UBA2: variants seen among roughly 807,000 people sequenced by gnomAD.
UBA2 encodes the protein ubiquitin like modifier activating enzyme 2, also known as SUMO-activating enzyme subunit 2.
In UBA2, 11 loss-of-function variants were observed where a neutral mutation model predicts 77.2. The ratio of observed to expected loss-of-function variants is 0.14; its 90% confidence interval spans 0.09 to 0.24. The LOEUF is 0.24. UBA2 is among the 10% of genes least tolerant of loss of function. The pLI, the probability that UBA2 is intolerant of heterozygous loss-of-function variation, is 1.00. For synonymous variants in UBA2, 278 were observed against 276.7 expected (o/e 1.00, Z -0.05); for missense variants, 487 against 781.7 (o/e 0.62, Z 4.50).
In UBA2 at chr19:34,443,908, G is replaced by A. The variant is rs1207797961; in HGVS notation, c.646G>A (p.Ala216Thr). 12 of 1,601,328 alleles carry A rather than the reference G, an allele frequency of 7.5e-6. No individual in the cohort carries two copies. The highest frequency in any genetic ancestry group is 1.0e-5 in the Non-Finnish European group (12 of 1,168,872). ...TCCTGACAGAGCTGACCCTGAAGCTGCCTGTGAGTAAATTATTTGGCATAT... is the reference window on the plus strand; with the variant it reads ...TCCTGACAGAGCTGACCCTGAAGCTACCTGTGAGTAAATTATTTGGCATAT... ...VSPDRADPEA[A>T]WEPTEAEARA... is the part of the protein sequence containing the mutation. The change falls in exon 7 of 17, where the codon GCC becomes ACC. Residue 216 changes from alanine to threonine, a missense_variant. Physicochemically the swap from Ala to Thr is moderately conservative, Grantham distance 58 (BLOSUM62 0). Around this residue, in one of 9 missense-constraint regions of UBA2, gnomAD observed 300 missense variants for 454.3 expected, o/e 0.66. Transcript: ENST00000246548.
chr19:34,460,663 G>A, intron 14 of UBA2, 97 bp downstream of exon 14: 2 of 815,856 alleles, frequency 2.5e-6, no homozygotes, highest in Non-Finnish European at 3.7e-6. Flanking sequence ...ACTCAGTATT[G>A]CAGAGAGTGG....
chr19:34,463,602 T>C (rs893495285), intron 14 of UBA2, among the ~76,000 whole-genome samples: 6 of 151,532 alleles, frequency 4.0e-5, no homozygotes, highest in African/African-American at 1.5e-4. Flanking sequence ...ATTGATTGAC[T>C]GGAGACAGAG....
rs925329572 is a variant in UBA2, at chr19:34,429,288, G to A, written c.138+718G>A. 6 of 974,878 alleles carry A rather than the reference G, an allele frequency of 6.2e-6. No homozygotes were observed. In the South Asian group the frequency reaches 1.9e-4, roughly 31 times the overall value. 60.4% of individuals were successfully genotyped at this position (974,878 alleles called of 1,614,324 possible). ...CTTTTGCATTGGTGTACGTTGACAA[G>A]CCAGTGCTATTTTGAATCGTTATTT... On this transcript the variant is annotated intron_variant, in intron 1 of 16. Coordinates refer to ENST00000246548, the MANE Select transcript of UBA2 (RefSeq NM_005499.3).
intron 15 of UBA2, among the ~76,000 whole-genome samples, chr19:34,464,375 C>T (rs1164539599): frequency 2.0e-5 from 3 of 151,772 alleles, no homozygotes; most frequent in East Asian, 3.9e-4. Flanking sequence ...CTGGCCAACA[C>T]GGTGAAACCC....
rs1435997179 is a variant in UBA2, at chr19:34,469,672, G to A, written c.*451G>A. 1.3e-5 allele frequency: 2 copies of A among 152,672 alleles called. No individual in the cohort carries two copies. Among genetic ancestry groups the A allele is most frequent in the Non-Finnish European group, 2.9e-5 (2 of 68,092 alleles). 9.5% of individuals were successfully genotyped at this position (152,672 alleles called of 1,614,324 possible). A position where few individuals can be genotyped will look rare whatever the true frequency, so the allele number is the denominator to read the frequency against. On this transcript the variant is annotated 3_prime_UTR_variant, in exon 17 of 17. Transcript: ENST00000246548. ...GATTCAAAGAAGTATCGAGTGCTAT[G>A]CATTGAAACTTGTTTTTAAATGTTA...
At chr19:34,465,614 C>T (rs930751291) in intron 15 of UBA2, among the ~76,000 whole-genome samples, 3 of 133,066 alleles carry the variant, frequency 2.3e-5, no homozygotes, top group Non-Finnish European at 3.1e-5. Flanking sequence ...CCAGCCTGGG[C>T]GACAGAGGGG....
At chr19:34,467,894 G>A (rs901880251) in intron 16 of UBA2, among the ~76,000 whole-genome samples, 3 of 152,208 alleles carry the variant, frequency 2.0e-5, no homozygotes, top group Non-Finnish European at 4.4e-5. Context: ...TGCAAAGTCA[G>A]CCTATGTAGT....
rs749748148 is a variant in UBA2 at position 34,438,640 on chromosome 19, C to A, written c.460-5C>A. 6.2e-7 allele frequency: 1 copy of A among 1,613,678 alleles called. No homozygotes were observed. Among genetic ancestry groups the A allele is most frequent in the Non-Finnish European group, 8.5e-7 (1 of 1,179,836 alleles). ...GTAAATTTTTCTCATATCCTGACTT[C>A]ATAGGGTGTGACCGAGTGTTATGAG... is the stretch of plus-strand genomic sequence containing the variant. On this transcript the variant is annotated splice_polypyrimidine_tract_variant and splice_region_variant and intron_variant, in intron 5 of 16. Transcript: ENST00000246548.
intron 13 of UBA2, among the ~76,000 whole-genome samples, chr19:34,459,229 T>C (rs1458007876): frequency 6.6e-6 from 1 of 152,190 alleles, no homozygotes; most frequent in Non-Finnish European, 1.5e-5. Context: ...AAATTCTGTA[T>C]TTTTTGACAA....
At chr19:34,453,898 C>T (rs993376692) in intron 10 of UBA2, among the ~76,000 whole-genome samples, 10 of 152,150 alleles carry the variant, frequency 6.6e-5, no homozygotes, top group Non-Finnish European at 1.0e-4. Flanking sequence ...CTTCTCTTTA[C>T]TGATGAATGG....
At chr19:34,456,457 T>G (rs970897688) in intron 12 of UBA2, among the ~76,000 whole-genome samples, 3 of 152,172 alleles carry the variant, frequency 2.0e-5, no homozygotes, top group Admixed American at 6.5e-5. Context: ...AATTTCAGTT[T>G]GAAGGAACAG....
At chr19:34,436,279 T>C (rs576514510) in intron 5 of UBA2, among the ~76,000 whole-genome samples, 1 of 150,798 alleles carries the variant, frequency 6.6e-6, no homozygotes, top group Non-Finnish European at 1.5e-5. Context: ...CATACCTCAG[T>C]TTTGTTTTGG....
In UBA2 at chr19:34,443,906, C is replaced by T. The variant is rs138127413; in HGVS notation, c.644C>T (p.Ala215Val). Residue 215 changes from alanine to valine, a missense_variant, in exon 7 of 17, where the codon GCT (alanine) becomes GTT (valine). This residue lies in a region of UBA2 where 300 missense variants were observed against 454.3 expected (regional missense o/e 0.66). Coordinates refer to ENST00000246548, the MANE Select transcript of UBA2 (RefSeq NM_005499.3). ...EVSPDRADPE[A>V]AWEPTEAEAR... ...TCTCCTGACAGAGCTGACCCTGAAG[C>T]TGCCTGTGAGTAAATTATTTGGCAT... The T allele has an allele frequency of 1.9e-6, 3 of 1,603,726 alleles. No homozygotes were observed. The highest frequency in any genetic ancestry group is 2.7e-5 in the African/African-American group (2 of 74,798).
At chr19:34,451,924 C>CTTT (rs2075503553) in intron 9 of UBA2, 57 bp from the exon 10 acceptor site, 1 of 982,210 alleles carries the variant, frequency 1.0e-6, no homozygotes, top group African/African-American at 1.7e-5. Context: ...AAACAGAGCA[C>CTTT]AGTAGAGGAA....
At chr19:34,458,647 C>T (rs1378740308) in intron 12 of UBA2, 122 bp from the exon 13 acceptor site, 7 of 671,784 alleles carry the variant, frequency 1.0e-5, no homozygotes, top group Admixed American at 3.3e-5. Context: ...ATCCATTTTG[C>T]CATCTGGACG....
chr19:34,446,246 A>G (rs1011288743), intron 8 of UBA2, among the ~76,000 whole-genome samples: 23 of 152,148 alleles, frequency 1.5e-4, no homozygotes, highest in African/African-American at 4.1e-4. Context: ...TATTCTTGCA[A>G]CTCTCACTAA....
At chr19:34,455,513 C>T (rs976427558) in intron 12 of UBA2, among the ~76,000 whole-genome samples, 2 of 152,090 alleles carry the variant, frequency 1.3e-5, no homozygotes, top group African/African-American at 2.4e-5. Flanking sequence ...GAAATACTAG[C>T]CAATACTTTG....
chr19:34,431,739 T>G (rs2075258244), intron 2 of UBA2, 122 bp from the exon 3 acceptor site: 2 of 787,630 alleles, frequency 2.5e-6, no homozygotes, highest in East Asian at 2.5e-5. Flanking sequence ...ATTTTTGGAC[T>G]TCTTTGGTGT....
chr19:34,438,432 G>A (rs956685538), intron 5 of UBA2, among the ~76,000 whole-genome samples: 1 of 152,178 alleles, frequency 6.6e-6, no homozygotes, highest in Non-Finnish European at 1.5e-5. Flanking sequence ...AGGAGTCGGC[G>A]TCCTGGCACA....
Sources: gnomAD v4.1 joint callset for allele counts (sites outside exome capture counted in the v4.1 genomes callset) on GRCh38, gnomAD v4.1.1 for gene constraint, gnomAD v4.1.1 regional missense constraint, MANE v1.5 for transcripts, NCBI Gene and HGNC (gene_info 2026-07-23, HGNC 2026-07-21) for gene names.